Variants in ZBED3 observed in about 807,000 individuals in gnomAD.
The protein encoded by ZBED3 is zinc finger BED-type containing 3.
For synonymous variants in ZBED3, 175 were observed against 180.0 expected (o/e 0.97, Z 0.22); for missense variants, 388 against 362.9 (o/e 1.07, Z -0.56).
rs376529376 is a variant in ZBED3 at position 77,086,085 on chromosome 5, C to T, written c.-153+1026G>A. 2.6e-4 allele frequency among the ~76,000 whole-genome samples: 39 copies of T among 152,314 alleles called. No homozygotes were observed. The South Asian group carries it at 5.6e-3, about 22-fold the overall frequency. The stretch of plus-strand genomic sequence containing the variant: ...TTAAAAATGAAAATTGTGAAGTGTT[C>T]TGCCCTTAAAGTGGACCTTTATTTC... On this transcript the variant is annotated intron_variant, in intron 1 of 2. Transcript: ENST00000255198.
At chr5:77,081,064 C>T (rs763541655) in intron 1 of ZBED3, among the ~76,000 whole-genome samples, 5 of 152,006 alleles carry the variant, frequency 3.3e-5, no homozygotes, top group Admixed American at 6.6e-5. Flanking sequence ...ACAAAAAGAC[C>T]GACAGAAAAA....
chr5:77,079,632 G>T (rs1743091240), intron 1 of ZBED3, among the ~76,000 whole-genome samples: 3 of 152,112 alleles, frequency 2.0e-5, no homozygotes, highest in Admixed American at 2.0e-4. Flanking sequence ...TTCTAACAAA[G>T]AAATGGCTAT....
rs536639411 is a variant in ZBED3 at position 77,077,029 on chromosome 5, T to C, written c.*145A>G. 8 of 544,200 alleles carry C rather than the reference T, an allele frequency of 1.5e-5. No homozygotes were observed. Among genetic ancestry groups the C allele is most frequent in the Non-Finnish European group, 2.0e-5 (7 of 354,684 alleles). 33.7% of individuals were successfully genotyped at this position (544,200 alleles called of 1,614,324 possible). ...CTTCTCAAGCTGAAGCCTTAGGGTG[T>C]GGAAGATCCTACAGTTAGCTGGAGC... On this transcript the variant is annotated 3_prime_UTR_variant, in exon 3 of 3. Transcript: ENST00000255198.
Position 77,077,210 on chromosome 5 carries a change from G to A in ZBED3, c.669C>T (p.Asp223=), listed in dbSNP as rs1372647725. 2 of 1,502,904 alleles carry A rather than the reference G, an allele frequency of 1.3e-6. No individual in the cohort carries two copies. The highest frequency in any genetic ancestry group is 1.4e-5 in the African/African-American group (1 of 69,884). The allele number at this position is 1,502,904 out of a possible 1,614,324, so 93.1% of individuals were successfully genotyped here. The stretch of plus-strand genomic sequence containing the variant: ...CCTTTGTGATGACGCAGCCGTCCCT[G>A]TCACCCTCGGGGTCGTCCTTGAGCG... ...PPPLKDDPEG[D]RDGCVITKVL... Residue 223 remains aspartate (D), a synonymous_variant, in exon 3 of 3, where the codon GAC becomes GAT. Transcript: ENST00000255198.
rs1157320028 is a variant in ZBED3 at position 77,073,471 on chromosome 5, A to C, written c.*3703T>G. ...GCAAAAGACAAAAGAAAATATATTA[A>C]AATGTTAATTAATAGCAGTTTTACA... On this transcript the variant is annotated 3_prime_UTR_variant, in exon 3 of 3. Transcript: ENST00000255198. The C allele has an allele frequency of 6.6e-6, 1 of 152,186 alleles. No homozygotes were observed. The highest frequency in any genetic ancestry group is 1.5e-5 in the Non-Finnish European group (1 of 68,034). 9.4% of individuals were successfully genotyped at this position (152,186 alleles called of 1,614,324 possible).
In ZBED3 at chr5:77,077,345, C is replaced by G. The variant is rs1469908832; in HGVS notation, c.534G>C (p.Ala178=). 1.6e-6 allele frequency: 2 copies of G among 1,255,046 alleles called. No individual in the cohort carries two copies. The highest frequency in any genetic ancestry group is 2.0e-6 in the Non-Finnish European group (2 of 1,005,300). The allele number at this position is 1,255,046 out of a possible 1,614,324, so 77.7% of individuals were successfully genotyped here. A position where few individuals can be genotyped will look rare whatever the true frequency, so the allele number is the denominator to read the frequency against. Residue 178 remains alanine, a synonymous_variant, in exon 3 of 3, where the codon GCG becomes GCC. Transcript: ENST00000255198. ...RRALQEEERA[A]AQARRELQAE... Reference sequence around the variant, plus strand: ...CCTGCAGTTCCCGGCGCGCCTGGGCCGCGGCGCGCTCTTCCTCCTGCAGCG... The same window carrying G: ...CCTGCAGTTCCCGGCGCGCCTGGGCGGCGGCGCGCTCTTCCTCCTGCAGCG...
intron 1 of ZBED3, among the ~76,000 whole-genome samples, chr5:77,082,689 G>A (rs1489687947): frequency 6.6e-5 from 10 of 152,266 alleles, no homozygotes; most frequent in Non-Finnish European, 1.3e-4. Context: ...TGAGGCAATG[G>A]TAACTGATGT....
At chr5:77,082,830 A>G (rs1016173593) in intron 1 of ZBED3, among the ~76,000 whole-genome samples, 2 of 152,214 alleles carry the variant, frequency 1.3e-5, no homozygotes, top group Non-Finnish European at 2.9e-5. Flanking sequence ...TAAATAAAAA[A>G]TAATTTTATA....
intron 1 of ZBED3, chr5:77,080,703 AC>A: frequency 2.2e-6 from 1 of 452,324 alleles, no homozygotes; most frequent in South Asian, 1.6e-5. Flanking sequence ...AAAACCAAAC[AC>A]CGCATGTTCT....
In ZBED3 at chr5:77,075,935, T is replaced by TTATATATATATATA. The variant is rs201611949; in HGVS notation, c.*1238_*1239insTATATATATATATA. The TTATATATATATATA allele has an allele frequency of 3.8e-4, 8 of 21,164 alleles. No homozygotes were observed. The highest frequency in any genetic ancestry group is 1.2e-3 in the South Asian group (1 of 852). 1.3% of individuals were successfully genotyped at this position (21,164 alleles called of 1,614,324 possible). On this transcript the variant is annotated 3_prime_UTR_variant, in exon 3 of 3. Transcript: ENST00000255198. ...GACATGCACCCTAGAACTTAAAGTA[T>TTATATATATATATA]TATATATACATATATATATATATAT...
chr5:77,080,425 G>A (rs532408289), intron 1 of ZBED3: 1 of 472,418 alleles, frequency 2.1e-6, no homozygotes, highest in East Asian at 5.6e-5. Context: ...CCAGGGACAG[G>A]CTGCATCACA....
At chr5:77,078,900 GCTAA>G (rs552887218) in intron 1 of ZBED3, 172 bp from the exon 2 acceptor site, 4 of 152,284 alleles carry the variant, frequency 2.6e-5, no homozygotes, top group African/African-American at 9.6e-5. Flanking sequence ...TATTGTTTGT[GCTAA>G]CTAAAAGATC....
intron 1 of ZBED3, among the ~76,000 whole-genome samples, chr5:77,082,304 C>G (rs561699210): frequency 6.6e-6 from 1 of 151,724 alleles, no homozygotes; most frequent in African/African-American, 2.4e-5. Context: ...AGATTCTACT[C>G]CTGGGGATCT....
Position 77,077,647 on chromosome 5 carries a change from G to A in ZBED3, c.232C>T (p.Arg78Cys), listed in dbSNP as rs905713001. The stretch of plus-strand genomic sequence containing the variant: ...GTCCCCGCGTGGAAGCCCGGGCCGC[G>A]GCCCACCTGCTCCCCGCACAGACGG... ...TCRLCGEQVG[R>C]GPGFHAGTSA... Residue 78 changes from arginine to cysteine, a missense_variant, in exon 3 of 3, where the codon CGC (arginine) becomes TGC (cysteine). By Grantham distance (180) the Arg-to-Cys change is radical. Coordinates refer to ENST00000255198, the MANE Select transcript of ZBED3 (RefSeq NM_032367.4). The A allele has an allele frequency of 3.5e-6, 5 of 1,411,462 alleles. No homozygotes were observed. Among genetic ancestry groups the A allele is most frequent in the South Asian group, 1.5e-5 (1 of 68,216 alleles). The allele number at this position is 1,411,462 out of a possible 1,614,324, so 87.4% of individuals were successfully genotyped here.
At position 77,083,525 on chromosome 5, in the gene ZBED3, C is replaced by T. The variant is rs541043700; in HGVS notation, c.-153+3586G>A. On this transcript the variant is annotated intron_variant, in intron 1 of 2. Transcript: ENST00000255198. Reference sequence around the variant, plus strand: ...AGAGAAATAATAAGATTATTTGCCTCTAAACAGGTGGCTGAGATCATAGAT... The same window carrying T: ...AGAGAAATAATAAGATTATTTGCCTTTAAACAGGTGGCTGAGATCATAGAT... 5.3e-5 allele frequency among the ~76,000 whole-genome samples: 8 copies of T among 152,312 alleles called. No homozygotes were observed. The South Asian group carries it at 8.3e-4, about 16-fold the overall frequency.
chr5:77,084,184 G>A (rs528024037), intron 1 of ZBED3, among the ~76,000 whole-genome samples: 2 of 152,170 alleles, frequency 1.3e-5, no homozygotes, highest in Non-Finnish European at 2.9e-5. Context: ...CGTACGGTCT[G>A]GTTGGGAAAG....
Position 77,077,130 on chromosome 5 carries a change from TG to T in ZBED3, c.*43del. The T allele has an allele frequency of 7.6e-7, 1 of 1,322,378 alleles. No individual in the cohort carries two copies. The highest frequency in any genetic ancestry group is 1.9e-5 in the South Asian group (1 of 51,670). The allele number at this position is 1,322,378 out of a possible 1,614,324, so 81.9% of individuals were successfully genotyped here. On this transcript the variant is annotated 3_prime_UTR_variant, in exon 3 of 3. Coordinates refer to ENST00000255198, the MANE Select transcript of ZBED3 (RefSeq NM_032367.4). ...CAGCGGGGTCTGAAGGCATTGGCAT[TG>T]GACGGAGAAGCGCTGTCCTGGGGTG...
rs958647920 is a variant in ZBED3, at chr5:77,077,177, C to A, written c.702G>T (p.Leu234=). The A allele has an allele frequency of 1.4e-6, 2 of 1,481,168 alleles. No individual in the cohort carries two copies. Among genetic ancestry groups the A allele is most frequent in the African/African-American group, 2.9e-5 (2 of 69,214 alleles). The allele number at this position is 1,481,168 out of a possible 1,614,324, so 91.8% of individuals were successfully genotyped here. ...GGGTGGGGAAGTGGCCACACCCCTA[C>A]AGGAGGACCTTTGTGATGACGCAGC... ...RDGCVITKVL[L] The change falls in exon 3 of 3, where the codon CTG becomes CTT. Residue 234 remains leucine (L), a synonymous_variant. Transcript: ENST00000255198.
rs1471227567 is a variant in ZBED3 at position 77,077,802 on chromosome 5, C to G, written c.77G>C (p.Cys26Ser). ...CGTCGGCGCCGGCCCCAGTCCCGGACACTGACCGCCCCGCGCCGCCGCGTC... is the reference window on the plus strand; with the variant it reads ...CGTCGGCGCCGGCCCCAGTCCCGGAGACTGACCGCCCCGCGCCGCCGCGTC... ...LDDAAARGGQCPGLGPAPTPT... is the reference protein window; with the variant it reads ...LDDAAARGGQSPGLGPAPTPT... The change falls in exon 3 of 3, where the codon TGT becomes TCT. Residue 26 changes from cysteine (C) to serine (S), a missense_variant. By Grantham distance (112) the Cys-to-Ser change is moderately radical. Coordinates refer to ENST00000255198, the MANE Select transcript of ZBED3 (RefSeq NM_032367.4). 9.2e-6 allele frequency: 12 copies of G among 1,304,588 alleles called. No individual in the cohort carries two copies. The highest frequency in any genetic ancestry group is 4.1e-5 in the Admixed American group (1 of 24,550). 80.8% of individuals were successfully genotyped at this position (1,304,588 alleles called of 1,614,324 possible). A position where few individuals can be genotyped will look rare whatever the true frequency, so the allele number is the denominator to read the frequency against.
Sources: gnomAD v4.1 joint callset for allele counts (sites outside exome capture counted in the v4.1 genomes callset) on GRCh38, gnomAD v4.1.1 for gene constraint, MANE v1.5 for transcripts, NCBI Gene and HGNC (gene_info 2026-07-23, HGNC 2026-07-21) for gene names.